KCNN2: variants seen among roughly 807,000 people sequenced by gnomAD.
The protein encoded by KCNN2 is small conductance calcium-activated potassium channel protein 2.
A neutral mutation model predicts 55.5 loss-of-function variants in KCNN2; 24 were observed. The observed-to-expected ratio is 0.43, with a 90% confidence interval of 0.31 to 0.61. The LOEUF (loss-of-function observed/expected upper bound fraction) is 0.61. KCNN2 is among the 20% of genes least tolerant of loss of function. KCNN2 has a pLI of 0.08. For missense variants in KCNN2, 754 were observed against 853.6 expected (o/e 0.88, Z 1.45); for synonymous variants, 431 against 336.1 (o/e 1.28, Z -3.09).
intron 2 of KCNN2, among the ~76,000 whole-genome samples, chr5:114,239,943 A>T (rs984921671): frequency 6.6e-6 from 1 of 152,216 alleles, no homozygotes; most frequent in Non-Finnish European, 1.5e-5. Flanking sequence ...TTGTAACTGC[A>T]TTCTAAGCAT....
chr5:114,186,436 T>G (rs2112558193), intron 1 of KCNN2, among the ~76,000 whole-genome samples: 1 of 152,270 alleles, frequency 6.6e-6, no homozygotes, highest in East Asian at 1.9e-4. Flanking sequence ...TTTGTGGAAG[T>G]AAGGTATTAA....
chr5:114,228,911 A>G (rs1242643674), intron 2 of KCNN2, among the ~76,000 whole-genome samples: 3 of 152,090 alleles, frequency 2.0e-5, no homozygotes, highest in African/African-American at 4.8e-5. Context: ...ATAGCAATAA[A>G]TTATTACTTT....
chr5:114,290,251 G>A (rs1381154061), intron 2 of KCNN2, among the ~76,000 whole-genome samples: 1 of 152,078 alleles, frequency 6.6e-6, no homozygotes, highest in African/African-American at 2.4e-5. Context: ...TTATGAGGAT[G>A]TTGGTTACTG....
chr5:114,210,220 T>C (rs760370965), intron 1 of KCNN2, among the ~76,000 whole-genome samples: 2 of 152,132 alleles, frequency 1.3e-5, no homozygotes, highest in Non-Finnish European at 2.9e-5. Context: ...AATATTTGTG[T>C]TGGATAAGCT....
chr5:114,392,047 A>G (rs1207763716), intron 2 of KCNN2, among the ~76,000 whole-genome samples: 1 of 152,144 alleles, frequency 6.6e-6, no homozygotes, highest in Non-Finnish European at 1.5e-5. Flanking sequence ...TTTGCTTATG[A>G]TTTCAGATTG....
chr5:114,295,733 C>T (rs974521327), intron 2 of KCNN2, among the ~76,000 whole-genome samples: 3 of 152,110 alleles, frequency 2.0e-5, no homozygotes, highest in Non-Finnish European at 4.4e-5. Context: ...TCTGGCACTC[C>T]CTAGTGAGAT....
chr5:114,244,359 G>T lies in KCNN2; in HGVS notation c.-185+22794G>T, dbSNP rs547607377. 9.3e-4 allele frequency among the ~76,000 whole-genome samples: 141 copies of T among 151,896 alleles called. No individual in the cohort carries two copies. In the Middle Eastern group the frequency reaches 0.01, roughly 11 times the overall value. Reference sequence around the variant, plus strand: ...TGGCGGCTCATTGCCACTTGGGGAGGCTGAGATGGGTGGATCACCTGAGGT... The same window carrying T: ...TGGCGGCTCATTGCCACTTGGGGAGTCTGAGATGGGTGGATCACCTGAGGT... On this transcript the variant is annotated intron_variant, in intron 2 of 10. Transcript: ENST00000512097.
chr5:114,350,122 T>C (rs1486102505), intron 2 of KCNN2, among the ~76,000 whole-genome samples: 2 of 151,998 alleles, frequency 1.3e-5, no homozygotes, highest in African/African-American at 2.4e-5. Context: ...AAATTATTTT[T>C]ATTTGCAATT....
chr5:114,144,314 A>G (rs555385763), intron 1 of KCNN2, among the ~76,000 whole-genome samples: 1 of 152,238 alleles, frequency 6.6e-6, no homozygotes, highest in South Asian at 2.1e-4. Context: ...TAATTTGGCC[A>G]ATTTTTGATC....
intron 1 of KCNN2, among the ~76,000 whole-genome samples, chr5:114,174,538 T>A (rs1561509575): frequency 6.6e-6 from 1 of 152,152 alleles, no homozygotes. Context: ...AAATGGAAGA[T>A]CCTCTATCAT....
At chr5:114,446,276 G>T (rs1312722766) in intron 3 of KCNN2, among the ~76,000 whole-genome samples, 2 of 152,168 alleles carry the variant, frequency 1.3e-5, no homozygotes, top group East Asian at 3.9e-4. Flanking sequence ...ATTGGGGAAG[G>T]TATTATATCT....
intron 3 of KCNN2, among the ~76,000 whole-genome samples, chr5:114,461,573 G>T (rs941932185): frequency 2.0e-5 from 3 of 152,190 alleles, no homozygotes; most frequent in African/African-American, 7.2e-5. Flanking sequence ...TTCTTTGGAA[G>T]AAGGCAAAGG....
At chr5:114,365,554 A>G (rs1380872901) in intron 2 of KCNN2, among the ~76,000 whole-genome samples, 9 of 152,224 alleles carry the variant, frequency 5.9e-5, no homozygotes, top group Admixed American at 3.9e-4. Flanking sequence ...CAGCAGAGGT[A>G]GCTTGCCGGG....
intron 1 of KCNN2, among the ~76,000 whole-genome samples, chr5:114,131,837 G>T (rs765213319): frequency 2.0e-5 from 3 of 152,238 alleles, no homozygotes; most frequent in South Asian, 2.1e-4. Flanking sequence ...GGCATAAGAT[G>T]GTATCTCATT....
chr5:114,173,456 G>GTA (rs1753079940), intron 1 of KCNN2, among the ~76,000 whole-genome samples: 1 of 144,860 alleles, frequency 6.9e-6, no homozygotes, highest in Non-Finnish European at 1.5e-5. Flanking sequence ...GTGTGTGTGT[G>GTA]TGTGTGTGTG....
rs139347988 is a variant in KCNN2 at position 114,420,262 on chromosome 5, T to C, written c.1637+15406T>C. ...CTTTGACTAGGGAAATAATGTAAAG[T>C]CTTTTTGCAATATCTCTCTCTGCAA... On this transcript the variant is annotated intron_variant, in intron 3 of 7. Coordinates refer to ENST00000673685, the MANE Select transcript of KCNN2 (RefSeq NM_021614.4). 5.9e-5 allele frequency among the ~76,000 whole-genome samples: 9 copies of C among 152,360 alleles called. No individual in the cohort carries two copies. In the East Asian group the frequency reaches 1.7e-3, roughly 29 times the overall value.
chr5:114,106,186 T>A (rs1751479735), intron 1 of KCNN2, among the ~76,000 whole-genome samples: 1 of 151,958 alleles, frequency 6.6e-6, no homozygotes. Context: ...CAGCTATTTT[T>A]TTTTTTTACT....
chr5:114,125,911 A>G (rs183398346), intron 1 of KCNN2, among the ~76,000 whole-genome samples: 1 of 152,264 alleles, frequency 6.6e-6, no homozygotes, highest in African/African-American at 2.4e-5. Flanking sequence ...CCCTATCTCC[A>G]AACAGTCACA....
intron 1 of KCNN2, among the ~76,000 whole-genome samples, chr5:114,067,872 C>CATT (rs1561461434): frequency 1.3e-5 from 2 of 152,196 alleles, no homozygotes; most frequent in African/African-American, 4.8e-5. Context: ...CCCATTCATA[C>CATT]ATATATAGAG....
Sources: allele counts gnomAD v4.1 joint callset (sites outside exome capture counted in the v4.1 genomes callset), GRCh38; gene constraint gnomAD v4.1.1; transcripts MANE v1.5; gene names NCBI Gene and HGNC (gene_info 2026-07-23, HGNC 2026-07-21).